The following GTF3C1 variants were observed in gnomAD, a reference collection of about 807,000 sequenced individuals.
The protein encoded by GTF3C1 is general transcription factor IIIC subunit 1, also known as general transcription factor 3C polypeptide 1.
Under a neutral mutation model 226.7 loss-of-function variants are expected in GTF3C1, and 57 were observed. That is an observed-to-expected ratio of 0.25 (90% CI 0.20 to 0.31). GTF3C1 has a LOEUF of 0.31. Ranked by LOEUF, GTF3C1 falls within the 10% of genes least tolerant of loss-of-function variation. The pLI is 1.00. For synonymous variants in GTF3C1, 1,090 were observed against 1,084.8 expected (o/e 1.00, Z -0.09); for missense variants, 2,217 against 2,776.1 (o/e 0.80, Z 4.53).
intron 6 of GTF3C1, among the ~76,000 whole-genome samples, chr16:27,517,927 A>G (rs1179006424): frequency 6.6e-6 from 1 of 152,202 alleles, no homozygotes; most frequent in Non-Finnish European, 1.5e-5. Flanking sequence ...AGCACGATTC[A>G]TAGTAAAGGA....
chr16:27,502,762 A>C, intron 11 of GTF3C1, 97 bp downstream of exon 11: 1 of 1,249,722 alleles, frequency 8.0e-7, no homozygotes, highest in Non-Finnish European at 1.1e-6. Flanking sequence ...CAGAGATTTG[A>C]ATGCCCCTCA....
chr16:27,483,261 A>T, intron 25 of GTF3C1, 136 bp from the exon 26 acceptor site: 1 of 804,588 alleles, frequency 1.2e-6, no homozygotes, highest in South Asian at 1.5e-5. Flanking sequence ...CCTGTTGCAC[A>T]ACTGCAGCTT....
At chr16:27,493,604 A>G (rs987811741) in intron 16 of GTF3C1, among the ~76,000 whole-genome samples, 7 of 152,206 alleles carry the variant, frequency 4.6e-5, no homozygotes, top group African/African-American at 1.7e-4. Flanking sequence ...TTAAACAAGA[A>G]AAGATGAGAT....
In GTF3C1 at chr16:27,488,486, T is replaced by C. The variant is rs1054391407; in HGVS notation, c.3511+68A>G. 23 of 1,548,172 alleles carry C rather than the reference T, an allele frequency of 1.5e-5. No homozygotes were observed. The East Asian group carries it at 4.3e-4, about 29-fold the overall frequency. The stretch of plus-strand genomic sequence containing the variant: ...AAGGCCAGGAAGACCAAACCGAACA[T>C]AGGGTAGTCGTTTAGGCCCTGAACT... On this transcript the variant is annotated intron_variant, in intron 22 of 36. Coordinates refer to ENST00000356183, the MANE Select transcript of GTF3C1 (RefSeq NM_001520.4).
rs1230158504 is a variant in GTF3C1 at position 27,488,166 on chromosome 16, C to G, written c.3700+61G>C. On this transcript the variant is annotated intron_variant, in intron 23 of 36. Coordinates refer to ENST00000356183, the MANE Select transcript of GTF3C1 (RefSeq NM_001520.4). ...TCAGGCCTGGCTGGAGTGAGGCTGT[C>G]GCACATCTCCAAGCCAAAACAAAGA... The G allele has an allele frequency of 3.4e-6, 5 of 1,458,784 alleles. No homozygotes were observed. The African/African-American group carries it at 7.0e-5, about 20-fold the overall frequency. 90.4% of individuals were successfully genotyped at this position (1,458,784 alleles called of 1,614,324 possible).
intron 2 of GTF3C1, among the ~76,000 whole-genome samples, chr16:27,540,538 G>T (rs1416668155): frequency 6.6e-6 from 1 of 152,144 alleles, no homozygotes; most frequent in African/African-American, 2.4e-5. Flanking sequence ...AATAACTCCG[G>T]CTAGTTTTAA....
chr16:27,498,697 C>T lies in GTF3C1; in HGVS notation c.2098G>A (p.Asp700Asn), dbSNP rs1395720479. ...TCGATGGCACTTCTCACTAGAGGGT[C>T]GTTCTGGTCCATGGACGGGTGCACC... ...LVVHPSMDQN[D>N]PLVRSAIEQV... The change falls in exon 13 of 37, where the codon GAC (aspartate) becomes AAC (asparagine). Residue 700 changes from aspartate to asparagine, a missense_variant. This residue lies in a region of GTF3C1 where 100 missense variants were observed against 139.9 expected (regional missense o/e 0.71). Transcript: ENST00000356183. 6 of 1,604,694 alleles carry T rather than the reference C, an allele frequency of 3.7e-6. No homozygotes were observed. Among genetic ancestry groups the T allele is most frequent in the Non-Finnish European group, 4.3e-6 (5 of 1,171,520 alleles).
At chr16:27,525,938 G>T (rs116632986) in intron 6 of GTF3C1, among the ~76,000 whole-genome samples, 822 of 51,154 alleles carry the variant, frequency 0.016, 11 homozygotes, top group African/African-American at 0.063. Context: ...CTTTATTTCA[G>T]TATCCTATGT....
intron 26 of GTF3C1, 90 bp downstream of exon 26, chr16:27,482,954 C>T: frequency 9.4e-7 from 1 of 1,064,092 alleles, no homozygotes; most frequent in Non-Finnish European, 1.4e-6. Context: ...CTAAGGCTGG[C>T]AGGGGCACTG....
Position 27,471,404 on chromosome 16 carries a change from C to T in GTF3C1, c.4526+344G>A, listed in dbSNP as rs572361233. ...GGAGGCTTCCCAGGTCTCAGGGCTACGCGGAAGAGGGACTGAGGCTATGCT... is the reference window on the plus strand; with the variant it reads ...GGAGGCTTCCCAGGTCTCAGGGCTATGCGGAAGAGGGACTGAGGCTATGCT... On this transcript the variant is annotated intron_variant, in intron 30 of 36. Transcript: ENST00000356183. This position sits in a 1 kb window ranked among gnomAD's most constrained non-coding sequence, Gnocchi z 5.0. Among the ~76,000 whole-genome samples, 47 of 152,310 alleles carry T rather than the reference C, an allele frequency of 3.1e-4. No homozygotes were observed. The highest frequency in any genetic ancestry group is 2.9e-3 in the South Asian group (14 of 4,822).
chr16:27,479,657 C>T (rs1307002974), intron 27 of GTF3C1, among the ~76,000 whole-genome samples: 2 of 152,104 alleles, frequency 1.3e-5, no homozygotes, highest in Non-Finnish European at 2.9e-5. Flanking sequence ...TTAGAAGAGA[C>T]AGGGTTTCAC....
chr16:27,506,768 G>T, intron 9 of GTF3C1, 79 bp downstream of exon 9: 3 of 1,040,982 alleles, frequency 2.9e-6, no homozygotes, highest in Non-Finnish European at 2.8e-6. Context: ...GCAGGTGTTT[G>T]CTGAACTGAA....
chr16:27,511,179 T>C (rs186675866), intron 7 of GTF3C1, among the ~76,000 whole-genome samples: 1 of 152,188 alleles, frequency 6.6e-6, no homozygotes, highest in African/African-American at 2.4e-5. Context: ...CTGCCCTCCA[T>C]GCAGGCAGGC....
chr16:27,536,018 T>C (rs943416487), intron 4 of GTF3C1, among the ~76,000 whole-genome samples: 1 of 152,208 alleles, frequency 6.6e-6, no homozygotes, highest in African/African-American at 2.4e-5. Context: ...AAAAGTTAAA[T>C]TGCTTGACAT....
intron 2 of GTF3C1, among the ~76,000 whole-genome samples, chr16:27,540,944 G>A (rs1158580028): frequency 6.6e-6 from 1 of 152,128 alleles, no homozygotes; most frequent in East Asian, 1.9e-4. Flanking sequence ...GAGCTCAAGT[G>A]ATTCTCCTGC....
intron 5 of GTF3C1, among the ~76,000 whole-genome samples, chr16:27,531,301 A>C (rs778647394): frequency 6.6e-6 from 1 of 152,090 alleles, no homozygotes; most frequent in Non-Finnish European, 1.5e-5. Context: ...ATTACTGCCC[A>C]CTTCTAAGCA....
Position 27,469,299 on chromosome 16 carries a change from C to T in GTF3C1, c.5066G>A (p.Arg1689Lys). The T allele has an allele frequency of 2.6e-6, 4 of 1,562,944 alleles. No individual in the cohort carries two copies. The highest frequency in any genetic ancestry group is 3.5e-6 in the Non-Finnish European group (4 of 1,152,658). ...LRCTPVPARL[R>K]PAAAPLEELT... ...CCAGCAGGAGCACTCACCAGCGGGC[C>T]TGAGCCGGGCGGGCACAGGGGTGCA... The change falls in exon 32 of 37, where the codon AGG (arginine) becomes AAG (lysine). Residue 1689 changes from arginine (R) to lysine (K), a missense_variant. Arg to Lys is a conservative substitution (Grantham distance 26). Coordinates refer to ENST00000356183, the MANE Select transcript of GTF3C1 (RefSeq NM_001520.4). The surrounding 1 kb of genome is among the most constrained non-coding windows in gnomAD (Gnocchi z 4.5).
Position 27,464,572 on chromosome 16 carries a change from C to G in GTF3C1, c.5620G>C (p.Asp1874His), listed in dbSNP as rs761929783. The G allele has an allele frequency of 1.3e-6, 2 of 1,490,180 alleles. No individual in the cohort carries two copies. The highest frequency in any genetic ancestry group is 1.4e-5 in the African/African-American group (1 of 69,616). 92.3% of individuals were successfully genotyped at this position (1,490,180 alleles called of 1,614,324 possible). The change falls in exon 34 of 37, where the codon GAC (aspartate) becomes CAC (histidine). Residue 1874 changes from aspartate (D) to histidine (H), a missense_variant. Physicochemically the swap from Asp to His is moderately conservative, Grantham distance 81. Transcript: ENST00000356183. Reference protein sequence around the residue: ...ASWASENGETDAEGTQMTPAK... With the variant: ...ASWASENGETHAEGTQMTPAK... ...GGGGTCATCTGGGTGCCCTCGGCGT[C>G]GGTCTCCCCATTCTCACTGGCCCAG... is the stretch of plus-strand genomic sequence containing the variant.
intron 6 of GTF3C1, among the ~76,000 whole-genome samples, chr16:27,513,485 G>A (rs1369268810): frequency 6.6e-6 from 1 of 152,086 alleles, no homozygotes; most frequent in Non-Finnish European, 1.5e-5. Context: ...ACAACAAAAA[G>A]TCGTTAAAAG....
Sources: gnomAD v4.1 joint callset for allele counts (sites outside exome capture counted in the v4.1 genomes callset) on GRCh38, gnomAD v4.1.1 for gene constraint, gnomAD v4.1.1 regional missense constraint, Gnocchi (gnomAD v3.1) non-coding constraint, MANE v1.5 for transcripts, NCBI Gene and HGNC (gene_info 2026-07-23, HGNC 2026-07-21) for gene names.